The following CASKIN2 variants were observed in gnomAD, a reference collection of about 807,000 sequenced individuals.
The protein encoded by CASKIN2 is CASK interacting protein 2, also known as caskin-2.
Under a neutral mutation model 107.1 loss-of-function variants are expected in CASKIN2, and 41 were observed. The ratio of observed to expected loss-of-function variants is 0.38; its 90% CI spans 0.30 to 0.50. The LOEUF is 0.50. Ranked by LOEUF, CASKIN2 falls within the 20% of genes least tolerant of loss-of-function variation. The pLI is 0.92. For missense variants in CASKIN2, 1,546 were observed against 1,657.4 expected (o/e 0.93, Z 1.17); for synonymous variants, 724 against 705.6 (o/e 1.03, Z -0.41).
chr17:75,514,007 G>A lies in CASKIN2; in HGVS notation c.-203C>T, dbSNP rs1445774110. ...GGTGCTCCGTGAACTGCCACCACACGAAGGAAAGCTAATCTTTGAGGGGGT... is the reference window on the plus strand; with the variant it reads ...GGTGCTCCGTGAACTGCCACCACACAAAGGAAAGCTAATCTTTGAGGGGGT... On this transcript the variant is annotated 5_prime_UTR_variant, in exon 2 of 20. Coordinates refer to ENST00000321617, the MANE Select transcript of CASKIN2 (RefSeq NM_020753.5). The A allele has an allele frequency of 1.7e-5, 10 of 591,364 alleles. No individual in the cohort carries two copies. Among genetic ancestry groups the A allele is most frequent in the East Asian group, 5.6e-5 (2 of 35,988 alleles). 36.6% of individuals were successfully genotyped at this position (591,364 alleles called of 1,614,324 possible).
Position 75,506,428 on chromosome 17 carries a change from G to C in CASKIN2, c.618-15C>G. 6.2e-7 allele frequency: 1 copy of C among 1,604,680 alleles called. No individual in the cohort carries two copies. On this transcript the variant is annotated splice_polypyrimidine_tract_variant and intron_variant, in intron 7 of 19. Coordinates refer to ENST00000321617, the MANE Select transcript of CASKIN2 (RefSeq NM_020753.5). The surrounding 1 kb of genome is among the most constrained non-coding windows in gnomAD (Gnocchi z 4.8). Reference sequence around the variant, plus strand: ...TCAGGAGCTGCCTGCAGTGGACGGGGGGAGTCACGGGGGAGGTGGCGTAGG... The same window carrying C: ...TCAGGAGCTGCCTGCAGTGGACGGGCGGAGTCACGGGGGAGGTGGCGTAGG...
chr17:75,508,002 C>T (rs980459632), intron 3 of CASKIN2, among the ~76,000 whole-genome samples: 4 of 152,218 alleles, frequency 2.6e-5, no homozygotes, highest in African/African-American at 4.8e-5. Context: ...GGAGGCCCTG[C>T]GGAGAGGCAC....
At chr17:75,511,782 G>A (rs771515551) in intron 2 of CASKIN2, among the ~76,000 whole-genome samples, 2 of 152,280 alleles carry the variant, frequency 1.3e-5, no homozygotes, top group Non-Finnish European at 2.9e-5. Flanking sequence ...TGGGCACAAG[G>A]GAACTTCTCG....
Position 75,503,081 on chromosome 17 carries a change from G to A in CASKIN2, c.1993C>T (p.Leu665Phe), listed in dbSNP as rs1466400612. ...CTTAGTTCGCTGCCCTGGAAGGTGA[G>A]GAGCCGTGGGCCAGCTGTAGCTGGG... ...EGPATAGPRL[L>F]TFQGSELSPE... Residue 665 changes from leucine (L) to phenylalanine (F), a missense_variant, in exon 18 of 20, where the codon CTC (leucine) becomes TTC (phenylalanine). Coordinates refer to ENST00000321617, the MANE Select transcript of CASKIN2 (RefSeq NM_020753.5). 4.4e-6 allele frequency: 7 copies of A among 1,607,110 alleles called. No homozygotes were observed. The African/African-American group carries it at 8.0e-5, about 18-fold the overall frequency.
chr17:75,513,189 G>A (rs1419368203), intron 2 of CASKIN2, among the ~76,000 whole-genome samples: 2 of 84,150 alleles, frequency 2.4e-5, no homozygotes, highest in Non-Finnish European at 6.4e-5. Context: ...TGTAATCCTA[G>A]TACTAGGAGG....
At position 75,503,008 on chromosome 17, in the gene CASKIN2, G is replaced by A. The variant is rs765111034; in HGVS notation, c.2066C>T (p.Pro689Leu). The change falls in exon 18 of 20, where the codon CCC (proline) becomes CTC (leucine). Residue 689 changes from proline to leucine, a missense_variant. Physicochemically the swap from Pro to Leu is moderately conservative, Grantham distance 98 (BLOSUM62 -3). This residue lies in a region of CASKIN2 where 1,311 missense variants were observed against 1,311.0 expected (regional missense o/e 1.00). Transcript: ENST00000321617. ...AMAGGGPEPL[P>L]LPPARSPSQE... ...GCTGGGAGAGCGGGCAGGTGGGAGG[G>A]GGAGTGGTTCAGGGCCACCCCCTGC... The A allele has an allele frequency of 4.4e-6, 7 of 1,606,352 alleles. No homozygotes were observed. The South Asian group carries it at 6.6e-5, about 15-fold the overall frequency.
In CASKIN2 at chr17:75,503,160, C is replaced by T. The variant is rs377530863; in HGVS notation, c.1914G>A (p.Arg638=). The T allele has an allele frequency of 5.4e-5, 87 of 1,602,874 alleles. No homozygotes were observed. The highest frequency in any genetic ancestry group is 5.9e-5 in the Non-Finnish European group (70 of 1,176,804). The part of the protein sequence containing the change: ...QGEALSEGGR[R]LAKGPELMAI... The stretch of plus-strand genomic sequence containing the variant: ...CCATCAGCTCCGGACCCTTGGCCAG[C>T]CGGCGCCCGCCTTCGCTGAGGGCCT... Residue 638 remains arginine, a synonymous_variant, in exon 18 of 20, where the codon CGG becomes CGA. Coordinates refer to ENST00000321617, the MANE Select transcript of CASKIN2 (RefSeq NM_020753.5).
Position 75,506,656 on chromosome 17 carries a change from T to G in CASKIN2, c.544A>C (p.Lys182Gln), listed in dbSNP as rs983298808. Reference sequence around the variant, plus strand: ...GTGTAGTTGGGGTCACACGGGTCTTTGGCCTCACCCTCCAGCAGTGCCACA... The same window carrying G: ...GTGTAGTTGGGGTCACACGGGTCTTGGGCCTCACCCTCCAGCAGTGCCACA... ...LCVALLEGEA[K>Q]DPCDPNYTTP... is the part of the protein sequence containing the mutation. The change falls in exon 7 of 20, where the codon AAA becomes CAA. Residue 182 changes from lysine to glutamine, a missense_variant. Transcript: ENST00000321617. This position sits in a 1 kb window ranked among gnomAD's most constrained non-coding sequence, Gnocchi z 4.8. The G allele has an allele frequency of 6.2e-7, 1 of 1,613,208 alleles. No individual in the cohort carries two copies. The highest frequency in any genetic ancestry group is 8.5e-7 in the Non-Finnish European group (1 of 1,179,942).
chr17:75,502,543 C>A lies in CASKIN2; in HGVS notation c.2531G>T (p.Ser844Ile). 6.5e-7 allele frequency: 1 copy of A among 1,550,136 alleles called. No individual in the cohort carries two copies. The highest frequency in any genetic ancestry group is 1.2e-5 in the South Asian group (1 of 83,010). Residue 844 changes from serine (S) to isoleucine (I), a missense_variant, in exon 18 of 20, where the codon AGT becomes ATT. Ser to Ile is a moderately radical substitution (Grantham distance 142). Around this residue, in one of 6 missense-constraint regions of CASKIN2, gnomAD observed 1,311 missense variants for 1,311.0 expected, o/e 1.00. Coordinates refer to ENST00000321617, the MANE Select transcript of CASKIN2 (RefSeq NM_020753.5). This position sits in a 1 kb window ranked among gnomAD's most constrained non-coding sequence, Gnocchi z 4.3. ...CCCCCGAGCTGGGGTTGGGGTCACA[C>A]TAGGACTGGTCCGGACAAGGGCACT... is the stretch of plus-strand genomic sequence containing the variant. ...GRSALVRTSP[S>I]VTPTPARGTP...
In CASKIN2 at chr17:75,508,291, G is replaced by A. The variant is rs754086234; in HGVS notation, c.95-6C>T. 6.2e-7 allele frequency: 1 copy of A among 1,613,324 alleles called. No individual in the cohort carries two copies. Among genetic ancestry groups the A allele is most frequent in the Non-Finnish European group, 8.5e-7 (1 of 1,179,684 alleles). On this transcript the variant is annotated splice_polypyrimidine_tract_variant and splice_region_variant and intron_variant, in intron 2 of 19. Transcript: ENST00000321617. The stretch of plus-strand genomic sequence containing the variant: ...CTTTGTGGAGCCCAGGAGCTCTAGG[G>A]GTCAGGATAGGAGGTGTCAGGGCCA...
Position 75,502,134 on chromosome 17 carries a change from G to T in CASKIN2, c.2940C>A (p.Leu980=). The T allele has an allele frequency of 6.2e-7, 1 of 1,604,498 alleles. No individual in the cohort carries two copies. Among genetic ancestry groups the T allele is most frequent in the Non-Finnish European group, 8.5e-7 (1 of 1,179,792 alleles). ...PPRETPVPPG[L]DFNLTESDTV... is the part of the protein sequence containing the mutation. ...TGTCTGATTCCGTGAGGTTGAAATC[G>T]AGGCCGGGGGGCACGGGTGTCTCTC... Residue 980 remains leucine, a synonymous_variant, in exon 18 of 20, where the codon CTC becomes CTA. Coordinates refer to ENST00000321617, the MANE Select transcript of CASKIN2 (RefSeq NM_020753.5). The surrounding 1 kb of genome is among the most constrained non-coding windows in gnomAD (Gnocchi z 4.3).
rs2053183586 is a variant in CASKIN2, at chr17:75,501,482, G to C, written c.3504C>G (p.Thr1168=). The change falls in exon 19 of 20, where the codon ACC becomes ACG. Residue 1168 remains threonine, a synonymous_variant. Transcript: ENST00000321617. ...GCCCCCCTCACCCCTCTTGCTCCTT[G>C]GTGCCAATGCTCTTCTCTGCGGCTC... ...ALRAAEKSIG[T]KEQEGTPSAS... is the part of the protein sequence containing the mutation. The C allele has an allele frequency of 6.2e-7, 1 of 1,609,628 alleles. No individual in the cohort carries two copies. The highest frequency in any genetic ancestry group is 8.5e-7 in the Non-Finnish European group (1 of 1,177,316).
rs191114940 is a variant in CASKIN2, at chr17:75,506,346, C to A, written c.685G>T (p.Ala229Ser). 1,373 of 1,611,930 alleles carry A rather than the reference C, an allele frequency of 8.5e-4. 10 individuals carry two copies. Among genetic ancestry groups the A allele is most frequent in the East Asian group, 5.1e-4 (23 of 44,850 alleles). ...TKTGTALHEA[A>S]LYGKTEVVRL... The stretch of plus-strand genomic sequence containing the variant: ...ACCACCTCGGTCTTGCCATACAGTG[C>A]GGCCTCGTGGAGCGCCGTACCCGTC... Residue 229 changes from alanine (A) to serine (S), a missense_variant, in exon 8 of 20, where the codon GCA becomes TCA. This residue lies in a region of CASKIN2 where 62 missense variants were observed against 81.1 expected (regional missense o/e 0.76). Coordinates refer to ENST00000321617, the MANE Select transcript of CASKIN2 (RefSeq NM_020753.5). The surrounding 1 kb of genome is among the most constrained non-coding windows in gnomAD (Gnocchi z 4.8).
chr17:75,508,277 C>T lies in CASKIN2; in HGVS notation c.103G>A (p.Gly35Ser). The change falls in exon 3 of 20, where the codon GGC becomes AGC. Residue 35 changes from glycine to serine, a missense_variant. This residue lies in a region of CASKIN2 where 136 missense variants were observed against 198.6 expected (regional missense o/e 0.68). Coordinates refer to ENST00000321617, the MANE Select transcript of CASKIN2 (RefSeq NM_020753.5). ...TTCACGTTGAGCCTCTTTGTGGAGC[C>T]CAGGAGCTCTAGGGGTCAGGATAGG... ...KVKATKTKLL[G>S]STKRLNVNYQ... 1 of 1,613,772 alleles carries T rather than the reference C, an allele frequency of 6.2e-7. No individual in the cohort carries two copies.
Position 75,501,816 on chromosome 17 carries a change from CG to C in CASKIN2, c.3257del (p.Pro1086ArgfsTer34). 1.9e-6 allele frequency: 3 copies of C among 1,548,158 alleles called. No individual in the cohort carries two copies. Among genetic ancestry groups the C allele is most frequent in the Non-Finnish European group, 2.6e-6 (3 of 1,149,772 alleles). ...CCTTGAGGAGGGCAGCAGGGGCGGCCGGGGGTTCTGTCTCCCCATTCCACCG... is the reference window on the plus strand; with the variant it reads ...CCTTGAGGAGGGCAGCAGGGGCGGCCGGGGTTCTGTCTCCCCATTCCACCG... Reference protein sequence around the residue: ...ASRWNGETEPPAAPAALLKVP... With the variant: ...ASRWNGETEPXAAPAALLKVP... On this transcript the variant is annotated frameshift_variant, in exon 18 of 20. Coordinates refer to ENST00000321617, the MANE Select transcript of CASKIN2 (RefSeq NM_020753.5). LOFTEE classifies it high-confidence loss of function.
intron 1 of CASKIN2, 36 bp from the exon 2 acceptor site, chr17:75,514,244 C>T: frequency 2.3e-6 from 1 of 432,822 alleles, no homozygotes; most frequent in Non-Finnish European, 4.1e-6. Context: ...GAATGCTGGG[C>T]CACAGCCTGC....
chr17:75,507,137 G>A lies in CASKIN2; in HGVS notation c.245-8C>T, dbSNP rs778524341. The A allele has an allele frequency of 3.1e-6, 5 of 1,603,966 alleles. No individual in the cohort carries two copies. Among genetic ancestry groups the A allele is most frequent in the Non-Finnish European group, 3.4e-6 (4 of 1,177,590 alleles). ...AGTGCAGCGGGCGCATGCCTGGCAG[G>A]AGGAAAGGGTTTCTGAGGGAGGTCC... On this transcript the variant is annotated splice_region_variant and splice_polypyrimidine_tract_variant and intron_variant, in intron 4 of 19. Transcript: ENST00000321617.
At position 75,506,806 on chromosome 17, in the gene CASKIN2, C is replaced by A; in HGVS notation, c.479G>T (p.Arg160Leu). 1 of 1,613,772 alleles carries A rather than the reference C, an allele frequency of 6.2e-7. No individual in the cohort carries two copies. The highest frequency in any genetic ancestry group is 8.5e-7 in the Non-Finnish European group (1 of 1,179,948). ...CAAGGCTGCAGGCCTCACCTTGAGT[C>A]GGCCAAATTCACAGGCCAGGTCCAG... ...TPLDLACEFG[R>L]LKVAQLLLNS... The change falls in exon 6 of 20, where the codon CGA becomes CTA. Residue 160 changes from arginine (R) to leucine (L), a missense_variant. Transcript: ENST00000321617. The surrounding 1 kb of genome is among the most constrained non-coding windows in gnomAD (Gnocchi z 4.8).
Position 75,504,836 on chromosome 17 carries a change from C to T in CASKIN2, c.1168G>A (p.Val390Met). ...CCTGGGCTGTCTGGGCTGAGGCCCA[C>T]CCGAGGAAGCTGGCTGTAGGTAAGA... ...HPLTYSQLPR[V>M]GLSPDSPAGD... The change falls in exon 11 of 20, where the codon GTG (valine) becomes ATG (methionine). Residue 390 changes from valine (V) to methionine (M), a missense_variant. Around this residue, in one of 6 missense-constraint regions of CASKIN2, gnomAD observed 1,311 missense variants for 1,311.0 expected, o/e 1.00. Transcript: ENST00000321617. 1 of 1,611,310 alleles carries T rather than the reference C, an allele frequency of 6.2e-7. No homozygotes were observed. The highest frequency in any genetic ancestry group is 8.5e-7 in the Non-Finnish European group (1 of 1,179,354).
Sources: allele counts gnomAD v4.1 joint callset (sites outside exome capture counted in the v4.1 genomes callset), GRCh38; gene constraint gnomAD v4.1.1; regional missense constraint gnomAD v4.1.1; non-coding constraint Gnocchi (gnomAD v3.1); transcripts MANE v1.5; gene names NCBI Gene and HGNC (gene_info 2026-07-23, HGNC 2026-07-21).